CIMIP7: variants seen among roughly 807,000 people sequenced by gnomAD.
CIMIP7 encodes uncharacterized protein C3orf84.
At chr3:49,178,092 C>A in the CIMIP7 span, 7 of 1,522,596 alleles carry the variant, frequency 4.6e-6, no homozygotes, top group Non-Finnish European at 6.1e-6. Flanking sequence ...ATTCCTGGCA[C>A]CAAGCACCTT....
At chr3:49,189,767 C>A in the CIMIP7 span, 1 of 599,882 alleles carries the variant, frequency 1.7e-6, no homozygotes, top group South Asian at 1.5e-5. Flanking sequence ...GGCTCTTTGC[C>A]TGTAGCTACC....
At chr3:49,178,185 G>T in the CIMIP7 span, 1 of 840,076 alleles carries the variant, frequency 1.2e-6, no homozygotes, top group Non-Finnish European at 1.8e-6. Flanking sequence ...GGCCTCCTTG[G>T]CCTGCCTCCC....
At chr3:49,180,787 G>A in the CIMIP7 span, among the ~76,000 whole-genome samples, 3 of 151,962 alleles carry the variant, frequency 2.0e-5, no homozygotes, top group Non-Finnish European at 4.4e-5. Context: ...AAAATGTGCT[G>A]GGTGTGATGG....
the CIMIP7 span, chr3:49,178,448 A>G: frequency 6.2e-7 from 1 of 1,601,656 alleles, no homozygotes; most frequent in Non-Finnish European, 8.5e-7. Flanking sequence ...AGGCTGGGGG[A>G]CTGCCTGCCA....
chr3:49,181,274 G>A, the CIMIP7 span, among the ~76,000 whole-genome samples: 2 of 149,222 alleles, frequency 1.3e-5, no homozygotes, highest in Admixed American at 1.3e-4. Flanking sequence ...CTTGGGTGGT[G>A]GAGGTTGCAG....
chr3:49,184,837 C>A, the CIMIP7 span, among the ~76,000 whole-genome samples: 1 of 151,152 alleles, frequency 6.6e-6, no homozygotes, highest in Non-Finnish European at 1.5e-5. Flanking sequence ...ACTATGTTGG[C>A]CAGGCTGGTC....
At chr3:49,190,153 G>T in the CIMIP7 span, 1 of 1,568,370 alleles carries the variant, frequency 6.4e-7, no homozygotes, top group Non-Finnish European at 8.7e-7. Context: ...AACAAGACAG[G>T]AATGAGGATA....
the CIMIP7 span, among the ~76,000 whole-genome samples, chr3:49,184,666 T>C: frequency 8.0e-5 from 12 of 150,358 alleles, no homozygotes; most frequent in South Asian, 2.6e-3. Flanking sequence ...TCTTGCTCTC[T>C]TACCTAGGCC....
chr3:49,179,707 A>AC, the CIMIP7 span, among the ~76,000 whole-genome samples: 1 of 152,008 alleles, frequency 6.6e-6, no homozygotes, highest in Non-Finnish European at 1.5e-5. Flanking sequence ...ATGTGATGTT[A>AC]CCCCCACTGA....
chr3:49,177,646 T>C, the CIMIP7 span: 4 of 1,580,688 alleles, frequency 2.5e-6, no homozygotes, highest in South Asian at 1.1e-5. Flanking sequence ...TCAGCTGTCC[T>C]TGTTTAATGC....
the CIMIP7 span, chr3:49,190,072 G>C: frequency 6.2e-7 from 1 of 1,613,158 alleles, no homozygotes; most frequent in Non-Finnish European, 8.5e-7. Context: ...TTGGCTGCAA[G>C]GTGGTATTCT....
the CIMIP7 span, among the ~76,000 whole-genome samples, chr3:49,181,689 A>G: frequency 2.6e-5 from 4 of 152,226 alleles, no homozygotes; most frequent in Non-Finnish European, 5.9e-5. Flanking sequence ...TAGAATATAT[A>G]AGGAAGTCTC....
chr3:49,183,738 G>C, the CIMIP7 span, among the ~76,000 whole-genome samples: 1 of 152,314 alleles, frequency 6.6e-6, no homozygotes, highest in African/African-American at 2.4e-5. Flanking sequence ...TTATCCCAGA[G>C]AGACAAAAAC....
the CIMIP7 span, among the ~76,000 whole-genome samples, chr3:49,189,122 A>G: frequency 6.6e-5 from 10 of 152,110 alleles, no homozygotes; most frequent in Non-Finnish European, 1.5e-5. Flanking sequence ...GGCATGCGCC[A>G]CCAAGCCCAG....
At chr3:49,180,323 T>C in the CIMIP7 span, among the ~76,000 whole-genome samples, 2 of 152,116 alleles carry the variant, frequency 1.3e-5, no homozygotes, top group Non-Finnish European at 2.9e-5. Flanking sequence ...TTTGGCTCAG[T>C]TGGAGCTAGA....
chr3:49,186,061 C>T, the CIMIP7 span, among the ~76,000 whole-genome samples: 4,651 of 147,926 alleles, frequency 0.031, 106 homozygotes, highest in Non-Finnish European at 0.049. Flanking sequence ...AGTGCAATGG[C>T]GCAATCTCGG....
chr3:49,178,335 G>GA, the CIMIP7 span: 1 of 755,762 alleles, frequency 1.3e-6, no homozygotes. Flanking sequence ...TCCCAGAGGA[G>GA]AAAGTTTGTG....
At chr3:49,191,767 T>G in the CIMIP7 span, 2 of 1,568,952 alleles carry the variant, frequency 1.3e-6, no homozygotes, top group Non-Finnish European at 1.7e-6. Context: ...TAAAGCACTT[T>G]GCATCTTTCC....
chr3:49,179,574 C>T, the CIMIP7 span, among the ~76,000 whole-genome samples: 1 of 152,174 alleles, frequency 6.6e-6, no homozygotes, highest in Non-Finnish European at 1.5e-5. Flanking sequence ...TTTGCACCAC[C>T]TGTTCCTTCT....
Sources: allele counts gnomAD v4.1 joint callset (sites outside exome capture counted in the v4.1 genomes callset), GRCh38; gene constraint gnomAD v4.1.1; transcripts MANE v1.5; gene names NCBI Gene and HGNC (gene_info 2026-07-23, HGNC 2026-07-21).